LGR5: variants seen among roughly 807,000 people sequenced by gnomAD.
LGR5 encodes leucine rich repeat containing G protein-coupled receptor 5.
A neutral mutation model predicts 76.7 loss-of-function variants in LGR5; 54 were observed. The observed-to-expected ratio is 0.70, with a 90% CI of 0.57 to 0.88. The LOEUF is 0.88. LGR5 is among the 40% of genes least tolerant of loss of function. The pLI, the probability that LGR5 is intolerant of heterozygous loss-of-function variation, is 0.00. For synonymous variants in LGR5, 406 were observed against 421.9 expected, an observed-to-expected ratio of 0.96 and a Z score of 0.46; for missense variants, 1,078 against 1,073.3, an observed-to-expected ratio of 1.00 and a Z score of -0.06.
At chr12:71,464,421 G>A (rs1019619552) in intron 1 of LGR5, among the ~76,000 whole-genome samples, 1 of 152,136 alleles carries the variant, frequency 6.6e-6, no homozygotes, top group African/African-American at 2.4e-5. Context: ...TATACAATCT[G>A]GTTAGGGGTA....
intron 4 of LGR5, among the ~76,000 whole-genome samples, chr12:71,540,732 T>C (rs992912681): frequency 3.9e-5 from 6 of 152,044 alleles, no homozygotes; most frequent in Non-Finnish European, 8.8e-5. Flanking sequence ...CTCCCATTAA[T>C]ATCCAGGAGG....
intron 8 of LGR5, among the ~76,000 whole-genome samples, chr12:71,563,550 C>T (rs1299669): frequency 0.88 from 134,110 of 152,184 alleles, 61,075 homozygotes; most frequent in East Asian, 1. Context: ...TGGCCTAAGC[C>T]AACCCTGTCA....
intron 2 of LGR5, among the ~76,000 whole-genome samples, chr12:71,508,666 A>C (rs1874986379): frequency 1.4e-5 from 2 of 147,968 alleles, no homozygotes; most frequent in Admixed American, 1.4e-4. Context: ...AGGCAGTAGA[A>C]TCGCTTGAAC....
chr12:71,444,349 C>G (rs1871893383), intron 1 of LGR5, among the ~76,000 whole-genome samples: 1 of 151,878 alleles, frequency 6.6e-6, no homozygotes, highest in Admixed American at 6.6e-5. Flanking sequence ...CTCCAGGATT[C>G]CTGGGGATTT....
chr12:71,570,826 A>G (rs1878575906), intron 11 of LGR5, among the ~76,000 whole-genome samples: 2 of 152,242 alleles, frequency 1.3e-5, no homozygotes, highest in African/African-American at 4.8e-5. Context: ...AGAATCAGGC[A>G]TGAAAATGTG....
chr12:71,470,280 C>T (rs542193361), intron 1 of LGR5, among the ~76,000 whole-genome samples: 28 of 152,320 alleles, frequency 1.8e-4, no homozygotes, highest in African/African-American at 6.3e-4. Context: ...TCACTAAACT[C>T]CCTTTTTATC....
chr12:71,576,820 G>A (rs1400344947), intron 13 of LGR5, among the ~76,000 whole-genome samples: 1 of 152,106 alleles, frequency 6.6e-6, no homozygotes, highest in African/African-American at 2.4e-5. Context: ...CTGACAGATG[G>A]TATTACTTGC....
In LGR5 at chr12:71,574,588, C is replaced by T. The variant is rs564525383; in HGVS notation, c.1208+1667C>T. Among the ~76,000 whole-genome samples, 3 of 152,192 alleles carry T rather than the reference C, an allele frequency of 2.0e-5. 1 individual carries two copies. The South Asian group carries it at 6.2e-4, about 32-fold the overall frequency. On this transcript the variant is annotated intron_variant, in intron 13 of 17. Transcript: ENST00000266674. ...AAATAAATATCTAATCATGTTATTT[C>T]CCTGCTTCAAAAACTTTCTAATTAT...
chr12:71,446,925 C>T (rs1280353880), intron 1 of LGR5, among the ~76,000 whole-genome samples: 1 of 152,166 alleles, frequency 6.6e-6, no homozygotes, highest in Non-Finnish European at 1.5e-5. Flanking sequence ...GTTGCAGTAG[C>T]TGCCAGAGTA....
intron 1 of LGR5, among the ~76,000 whole-genome samples, chr12:71,489,890 C>A (rs1030074547): frequency 6.6e-6 from 1 of 151,894 alleles, no homozygotes; most frequent in Non-Finnish European, 1.5e-5. Flanking sequence ...TAGTGAGAAG[C>A]CATCTCTGCA....
At chr12:71,555,262 C>G (rs1302190315) in intron 5 of LGR5, among the ~76,000 whole-genome samples, 4 of 152,128 alleles carry the variant, frequency 2.6e-5, no homozygotes, top group African/African-American at 9.7e-5. Flanking sequence ...TACTGACCCA[C>G]CAGAAGCTGG....
At chr12:71,462,972 T>C (rs755793780) in intron 1 of LGR5, among the ~76,000 whole-genome samples, 1 of 152,228 alleles carries the variant, frequency 6.6e-6, no homozygotes, top group Non-Finnish European at 1.5e-5. Flanking sequence ...TTTTTAATAT[T>C]AATTGTGTCG....
intron 2 of LGR5, among the ~76,000 whole-genome samples, chr12:71,517,049 G>A (rs1875481545): frequency 1.3e-5 from 2 of 151,130 alleles, no homozygotes; most frequent in Admixed American, 6.6e-5. Context: ...GCTCTCTAGG[G>A]TTGGAAAATA....
In LGR5 at chr12:71,524,389, T is replaced by G. The variant is rs1339967665; in HGVS notation, c.285-17T>G. The G allele has an allele frequency of 6.3e-7, 1 of 1,598,900 alleles. No homozygotes were observed. On this transcript the variant is annotated splice_polypyrimidine_tract_variant and intron_variant, in intron 2 of 17. Coordinates refer to ENST00000266674, the MANE Select transcript of LGR5 (RefSeq NM_003667.4). The stretch of plus-strand genomic sequence containing the variant: ...AGAGGTATGCTCACTCTCTCTCCTC[T>G]CCATTGAAACCCACAGACGTCTTGC...
chr12:71,581,088 G>A (rs952263209), intron 16 of LGR5, among the ~76,000 whole-genome samples: 4 of 152,090 alleles, frequency 2.6e-5, no homozygotes, highest in African/African-American at 7.2e-5. Flanking sequence ...TTTTTCATAC[G>A]TACTTCAGAA....
Position 71,585,826 on chromosome 12 carries a change from G to T in LGR5, c.*1092G>T, listed in dbSNP as rs1247994949. ...GTTCTCTCTGGATAACCCACTTGATGTTAGGAACATTACTTCTCTGCTTAT... is the reference window on the plus strand; with the variant it reads ...GTTCTCTCTGGATAACCCACTTGATTTTAGGAACATTACTTCTCTGCTTAT... On this transcript the variant is annotated 3_prime_UTR_variant, in exon 18 of 18. Transcript: ENST00000266674. 1 of 152,154 alleles carries T rather than the reference G, an allele frequency of 6.6e-6. No individual in the cohort carries two copies. Among genetic ancestry groups the T allele is most frequent in the South Asian group, 2.1e-4 (1 of 4,826 alleles). The allele number at this position is 152,154 out of a possible 1,614,324, so 9.4% of individuals were successfully genotyped here.
In LGR5 at chr12:71,584,437, C is replaced by T. The variant is rs1243514384; in HGVS notation, c.2427C>T (p.Val809=). The change falls in exon 18 of 18, where the codon GTC becomes GTT. Residue 809 remains valine, a synonymous_variant. Transcript: ENST00000266674. The stretch of plus-strand genomic sequence containing the variant: ...TTAAGTTTATCCTTCTGGTGGTAGT[C>T]CCACTTCCTGCATGTCTCAATCCCC... The part of the protein sequence containing the change: ...EVIKFILLVV[V]PLPACLNPLL... 1 of 1,613,890 alleles carries T rather than the reference C, an allele frequency of 6.2e-7. No individual in the cohort carries two copies. Among genetic ancestry groups the T allele is most frequent in the Non-Finnish European group, 8.5e-7 (1 of 1,179,868 alleles).
rs567474707 is a variant in LGR5, at chr12:71,527,369, T to C, written c.356+2892T>C. Among the ~76,000 whole-genome samples, 77 of 152,322 alleles carry C rather than the reference T, an allele frequency of 5.1e-4. 3 individuals are homozygous for C. The highest frequency in any genetic ancestry group is 4.3e-3 in the Admixed American group (65 of 15,292). ...GTTTATTTCTCACAGTTCTGGAGGCTGGGAAGTCCAAGATCAAGGTGCTGA... is the reference window on the plus strand; with the variant it reads ...GTTTATTTCTCACAGTTCTGGAGGCCGGGAAGTCCAAGATCAAGGTGCTGA... On this transcript the variant is annotated intron_variant, in intron 3 of 17. Coordinates refer to ENST00000266674, the MANE Select transcript of LGR5 (RefSeq NM_003667.4).
At chr12:71,452,520 CT>C (rs1171642856) in intron 1 of LGR5, among the ~76,000 whole-genome samples, 1 of 152,204 alleles carries the variant, frequency 6.6e-6, no homozygotes, top group East Asian at 1.9e-4. Context: ...GATATAATTT[CT>C]GATATAATCT....
Sources: allele counts gnomAD v4.1 joint callset (sites outside exome capture counted in the v4.1 genomes callset), GRCh38; gene constraint gnomAD v4.1.1; transcripts MANE v1.5; gene names NCBI Gene and HGNC (gene_info 2026-07-23, HGNC 2026-07-21).